OR7A10: variants seen among roughly 807,000 people sequenced by gnomAD.
OR7A10 encodes olfactory receptor family 7 subfamily A member 10.
For synonymous variants in OR7A10, 144 were observed against 144.5 expected (o/e 1.00, Z 0.02); for missense variants, 358 against 370.1 (o/e 0.97, Z 0.27).
Position 14,843,437 on chromosome 19 carries a change from C to T in OR7A10, c.-12-1548G>A, listed in dbSNP as rs2044925202. Among the ~76,000 whole-genome samples, 7 of 152,318 alleles carry T rather than the reference C, an allele frequency of 4.6e-5. No homozygotes were observed. The South Asian group carries it at 1.2e-3, about 27-fold the overall frequency. On this transcript the variant is annotated intron_variant, in intron 1 of 1. Coordinates refer to ENST00000641129, the MANE Select transcript of OR7A10 (RefSeq NM_001005190.2). ...TGTCTTTTGAGAATACAGTGTATCACGGTGAACTGTTGTCACTATGCTGTG... is the reference window on the plus strand; with the variant it reads ...TGTCTTTTGAGAATACAGTGTATCATGGTGAACTGTTGTCACTATGCTGTG...
At chr19:14,847,848 G>A (rs2145099540) in intron 1 of OR7A10, among the ~76,000 whole-genome samples, 1 of 151,330 alleles carries the variant, frequency 6.6e-6, no homozygotes, top group East Asian at 2.0e-4. Context: ...AAATTGGCGG[G>A]GCCAGGTGGC....
chr19:14,847,948 C>T (rs1050441670), intron 1 of OR7A10, among the ~76,000 whole-genome samples: 1 of 140,790 alleles, frequency 7.1e-6, no homozygotes, highest in Non-Finnish European at 1.5e-5. Context: ...CATGGTGAAA[C>T]CCTGTCTCTA....
At position 14,844,720 on chromosome 19, in the gene OR7A10, C is replaced by T. The variant is rs1382466234; in HGVS notation, c.-12-2831G>A. 5.9e-5 allele frequency among the ~76,000 whole-genome samples: 8 copies of T among 135,038 alleles called. No homozygotes were observed. In the Admixed American group the frequency reaches 6.9e-4, roughly 12 times the overall value. The allele number at this position is 135,038 out of a possible 152,430, so 88.6% of individuals were successfully genotyped here. A position where few individuals can be genotyped will look rare whatever the true frequency, so the allele number is the denominator to read the frequency against. On this transcript the variant is annotated intron_variant, in intron 1 of 1. Transcript: ENST00000641129. Reference sequence around the variant, plus strand: ...CTCTGTCACCCAGGCTGGAGTGCAGCAGTGCGATCTTGGCTCACTGCAACC... The same window carrying T: ...CTCTGTCACCCAGGCTGGAGTGCAGTAGTGCGATCTTGGCTCACTGCAACC...
chr19:14,843,960 A>G (rs1032678219), intron 1 of OR7A10, among the ~76,000 whole-genome samples: 2 of 152,296 alleles, frequency 1.3e-5, no homozygotes, highest in Admixed American at 6.5e-5. Flanking sequence ...CACCTAATGC[A>G]TGCGGGGCTT....
chr19:14,841,104 C>A lies in OR7A10; in HGVS notation c.774G>T (p.Val258=). ...TGTGGGTGGCAGCAGAACTAAGGTA[C>A]ACCCCTAAGCATGTACCATAAAATA... ...VSLFYGTCLG[V]YLSSAATHNS... is the part of the protein sequence containing the mutation. Residue 258 remains valine, a synonymous_variant, in exon 2 of 2, where the codon GTG becomes GTT. Transcript: ENST00000641129. The A allele has an allele frequency of 6.2e-7, 1 of 1,613,896 alleles. No individual in the cohort carries two copies. Among genetic ancestry groups the A allele is most frequent in the Non-Finnish European group, 8.5e-7 (1 of 1,179,956 alleles).
At chr19:14,847,988 T>C (rs552602904) in intron 1 of OR7A10, among the ~76,000 whole-genome samples, 1 of 151,972 alleles carries the variant, frequency 6.6e-6, no homozygotes, top group Non-Finnish European at 1.5e-5. Context: ...CTGGGTGTGG[T>C]GGTGAGCACC....
At chr19:14,848,215 T>C (rs897802642) in intron 1 of OR7A10, among the ~76,000 whole-genome samples, 1 of 152,192 alleles carries the variant, frequency 6.6e-6, no homozygotes, top group African/African-American at 2.4e-5. Flanking sequence ...CTTGGGCAGA[T>C]GTTCTGCTTT....
Position 14,840,894 on chromosome 19 carries a change from G to C in OR7A10, c.*54C>G. ...ATCTTATTAACAAATCACCATTTCT[G>C]GCTCTGGGGCTTAGAGCTCTGAAGT... is the stretch of plus-strand genomic sequence containing the variant. On this transcript the variant is annotated 3_prime_UTR_variant, in exon 2 of 2. Coordinates refer to ENST00000641129, the MANE Select transcript of OR7A10 (RefSeq NM_001005190.2). 1.6e-6 allele frequency: 2 copies of C among 1,249,940 alleles called. No individual in the cohort carries two copies. Among genetic ancestry groups the C allele is most frequent in the Non-Finnish European group, 2.2e-6 (2 of 889,016 alleles). The allele number at this position is 1,249,940 out of a possible 1,614,324, so 77.4% of individuals were successfully genotyped here. A position where few individuals can be genotyped will look rare whatever the true frequency, so the allele number is the denominator to read the frequency against.
At position 14,848,701 on chromosome 19, in the gene OR7A10, C is replaced by T. The variant is rs1409980511; in HGVS notation, c.-214G>A. 2 of 152,196 alleles carry T rather than the reference C, an allele frequency of 1.3e-5. No homozygotes were observed. Among genetic ancestry groups the T allele is most frequent in the Non-Finnish European group, 2.9e-5 (2 of 68,066 alleles). 9.4% of individuals were successfully genotyped at this position (152,196 alleles called of 1,614,324 possible). ...CCAAGGTTGCATATGCTGAGGGACA[C>T]CTGCAGCGGAGAAATTTACAGCTTC... On this transcript the variant is annotated 5_prime_UTR_variant, in exon 1 of 2. The change creates a new upstream start codon in the 5' untranslated region. Transcript: ENST00000641129.
At chr19:14,847,571 C>T (rs889995543) in intron 1 of OR7A10, among the ~76,000 whole-genome samples, 1 of 151,950 alleles carries the variant, frequency 6.6e-6, no homozygotes, top group Non-Finnish European at 1.5e-5. Flanking sequence ...AGTGCAGTGG[C>T]GCGATCTCGG....
At chr19:14,847,791 G>C (rs1599933534) in intron 1 of OR7A10, among the ~76,000 whole-genome samples, 1 of 151,150 alleles carries the variant, frequency 6.6e-6, no homozygotes, top group African/African-American at 2.4e-5. Flanking sequence ...TGGGACTACA[G>C]GCGTGAGCCA....
chr19:14,842,705 A>G (rs1214526799), intron 1 of OR7A10, among the ~76,000 whole-genome samples: 1 of 152,160 alleles, frequency 6.6e-6, no homozygotes, highest in Non-Finnish European at 1.5e-5. Context: ...CTTGTTCTTT[A>G]TTATGGCTTC....
intron 1 of OR7A10, among the ~76,000 whole-genome samples, chr19:14,845,098 C>CACACAA (rs1053067877): frequency 6.6e-4 from 99 of 151,080 alleles, no homozygotes; most frequent in African/African-American, 2.3e-3. Context: ...CACACACACA[C>CACACAA]AATGCATACA....
intron 1 of OR7A10, among the ~76,000 whole-genome samples, chr19:14,845,608 T>C (rs2044938817): frequency 6.6e-6 from 1 of 152,004 alleles, no homozygotes; most frequent in South Asian, 2.1e-4. Context: ...CCACATTGAG[T>C]AGGGTTGGAA....
At chr19:14,844,665 T>G (rs12975065) in intron 1 of OR7A10, among the ~76,000 whole-genome samples, 2 of 28,542 alleles carry the variant, frequency 7.0e-5, no homozygotes, top group South Asian at 1.3e-3. Context: ...GAGTTCTGTG[T>G]TTTTTTTTTT....
intron 1 of OR7A10, among the ~76,000 whole-genome samples, chr19:14,845,779 G>A (rs2044939567): frequency 6.6e-6 from 1 of 152,130 alleles, no homozygotes; most frequent in Non-Finnish European, 1.5e-5. Flanking sequence ...CATTGTGGTG[G>A]GGTCTGTCCC....
At chr19:14,841,920 GA>G in intron 1 of OR7A10, 31 bp from the exon 2 acceptor site, 5 of 1,337,108 alleles carry the variant, frequency 3.7e-6, no homozygotes, top group Non-Finnish European at 5.2e-6. Flanking sequence ...GAGAGAGAGA[GA>G]GTGAAAGAAC....
rs1187393736 is a variant in OR7A10 at position 14,847,408 on chromosome 19, C to T, written c.-13+1092G>A. ...ATAAGAAAAGCAGCTGAAAACTGTA[C>T]GTTTCATAAACTGCTGTTGCCAGGT... On this transcript the variant is annotated intron_variant, in intron 1 of 1. Transcript: ENST00000641129. Among the ~76,000 whole-genome samples the T allele has an allele frequency of 2.0e-5, 3 of 152,198 alleles. No homozygotes were observed. In the East Asian group the frequency reaches 5.8e-4, roughly 29 times the overall value.
intron 1 of OR7A10, among the ~76,000 whole-genome samples, chr19:14,843,052 T>C (rs575600803): frequency 1.3e-5 from 2 of 152,296 alleles, no homozygotes; most frequent in African/African-American, 4.8e-5. Flanking sequence ...GGAAAAGACA[T>C]ACATGCGGCC....
Sources: gnomAD v4.1 joint callset for allele counts (sites outside exome capture counted in the v4.1 genomes callset) on GRCh38, gnomAD v4.1.1 for gene constraint, MANE v1.5 for transcripts, NCBI Gene and HGNC (gene_info 2026-07-23, HGNC 2026-07-21) for gene names.